CDH4: variants seen among roughly 807,000 people sequenced by gnomAD.
CDH4 encodes the protein cadherin-4.
CDH4 carries 33 observed loss-of-function variants against 86.0 expected under a neutral mutation model. That is an observed-to-expected ratio of 0.38 (90% CI 0.29 to 0.51). The LOEUF is 0.51. Among genes scored for constraint, CDH4 ranks in the 20% least tolerant of loss-of-function variants. The pLI is 0.86. For synonymous variants in CDH4, 555 were observed against 549.4 expected (o/e 1.01, Z -0.14); for missense variants, 1,114 against 1,307.4 (o/e 0.85, Z 2.28).
At chr20:61,790,224 T>C (rs1195561359) in intron 4 of CDH4, among the ~76,000 whole-genome samples, 15 of 142,046 alleles carry the variant, frequency 1.1e-4, no homozygotes, top group South Asian at 2.4e-4. Flanking sequence ...TCCACCCACC[T>C]ACCATCCATC....
chr20:61,755,507 C>T (rs922238921), intron 3 of CDH4, among the ~76,000 whole-genome samples: 3 of 149,304 alleles, frequency 2.0e-5, no homozygotes, highest in Admixed American at 6.7e-5. Context: ...CACACACACA[C>T]ATGCCCCATA....
At chr20:61,348,314 A>T (rs1407533914) in intron 2 of CDH4, among the ~76,000 whole-genome samples, 1 of 152,122 alleles carries the variant, frequency 6.6e-6, no homozygotes, top group Non-Finnish European at 1.5e-5. Context: ...ATCCCATGAG[A>T]CTTATTCGCT....
In CDH4 at chr20:61,897,615, T is replaced by C. The variant is rs544249870; in HGVS notation, c.1188+2568T>C. On this transcript the variant is annotated intron_variant, in intron 8 of 15. Coordinates refer to ENST00000614565, the MANE Select transcript of CDH4 (RefSeq NM_001794.5). ...GGCACTGAGCTACCCTCGCCGCAACTGCTGACCGGCCACACCACCCTGGGG... is the reference window on the plus strand; with the variant it reads ...GGCACTGAGCTACCCTCGCCGCAACCGCTGACCGGCCACACCACCCTGGGG... 4.6e-5 allele frequency among the ~76,000 whole-genome samples: 7 copies of C among 152,314 alleles called. No homozygotes were observed. In the South Asian group the frequency reaches 1.2e-3, roughly 27 times the overall value.
At position 61,393,602 on chromosome 20, in the gene CDH4, G is replaced by T. The variant is rs1003714108; in HGVS notation, c.169+138665G>T. ...TTGGCTGAACCCTATTCTAGGTGTTGGCAAGGTAGGTGTTGAGTAACAGAG... is the reference window on the plus strand; with the variant it reads ...TTGGCTGAACCCTATTCTAGGTGTTTGCAAGGTAGGTGTTGAGTAACAGAG... On this transcript the variant is annotated intron_variant, in intron 2 of 15. Transcript: ENST00000614565. The surrounding 1 kb of genome is among the most constrained non-coding windows in gnomAD (Gnocchi z 4.3). Among the ~76,000 whole-genome samples the T allele has an allele frequency of 6.6e-6, 1 of 152,152 alleles. No homozygotes were observed. Among genetic ancestry groups the T allele is most frequent in the African/African-American group, 2.4e-5 (1 of 41,424 alleles).
At chr20:61,602,713 A>C (rs1175715214) in intron 2 of CDH4, among the ~76,000 whole-genome samples, 2 of 150,916 alleles carry the variant, frequency 1.3e-5, no homozygotes, top group African/African-American at 2.4e-5. Flanking sequence ...AAAAAAAAAA[A>C]AAAAAAACTT....
At chr20:61,331,767 A>G (rs1210303401) in intron 2 of CDH4, among the ~76,000 whole-genome samples, 1 of 49,754 alleles carries the variant, frequency 2.0e-5, no homozygotes, top group Non-Finnish European at 4.2e-5. Context: ...CCCCTGTGTT[A>G]GTTACAGCAC....
intron 2 of CDH4, among the ~76,000 whole-genome samples, chr20:61,648,132 C>T (rs2087084793): frequency 6.6e-6 from 1 of 152,194 alleles, no homozygotes; most frequent in African/African-American, 2.4e-5. Context: ...GCAGAAGGCA[C>T]CGGCCACACC....
intron 2 of CDH4, among the ~76,000 whole-genome samples, chr20:61,644,980 G>A (rs190670425): frequency 1.4e-3 from 214 of 152,346 alleles, no homozygotes; most frequent in Admixed American, 2.6e-3. Flanking sequence ...GGCTGTGGGC[G>A]CCGGCTCTCT....
At chr20:61,296,265 G>A (rs1600843655) in intron 2 of CDH4, among the ~76,000 whole-genome samples, 1 of 8,898 alleles carries the variant, frequency 1.1e-4, no homozygotes, top group South Asian at 3.7e-3. Flanking sequence ...ATGTGTGCGT[G>A]TGTGTGTGTG....
intron 15 of CDH4, among the ~76,000 whole-genome samples, chr20:61,935,290 C>CAGAA (rs2055169411): frequency 6.6e-6 from 1 of 152,250 alleles, no homozygotes; most frequent in Non-Finnish European, 1.5e-5. Flanking sequence ...AGTGATTCAA[C>CAGAA]AGAAAGACAG....
At position 61,565,202 on chromosome 20, in the gene CDH4, GTCGC is replaced by G. The variant is rs1214471513; in HGVS notation, c.170-178360_170-178357del. On this transcript the variant is annotated intron_variant, in intron 2 of 15. Transcript: ENST00000614565. Reference sequence around the variant, plus strand: ...GGTGGTGGTGGTCCTCTTGGTGGTGGTCGCGGTGCTCTCGGTGGTAGGTGGTGGT... The same window carrying G: ...GGTGGTGGTGGTCCTCTTGGTGGTGGGGTGCTCTCGGTGGTAGGTGGTGGT... Among the ~76,000 whole-genome samples the G allele has an allele frequency of 2.1e-3, 87 of 42,250 alleles. 12 individuals are homozygous for G. Among genetic ancestry groups the G allele is most frequent in the South Asian group, 7.4e-3 (8 of 1,078 alleles). The allele number at this position is 42,250 out of a possible 152,430, so 27.7% of individuals were successfully genotyped here.
Position 61,709,590 on chromosome 20 carries a change from A to T in CDH4, c.170-33973A>T, listed in dbSNP as rs1439112587. Among the ~76,000 whole-genome samples the T allele has an allele frequency of 2.7e-5, 4 of 148,170 alleles. No individual in the cohort carries two copies. The highest frequency in any genetic ancestry group is 2.0e-4 in the East Asian group (1 of 5,038). On this transcript the variant is annotated intron_variant, in intron 2 of 15. Coordinates refer to ENST00000614565, the MANE Select transcript of CDH4 (RefSeq NM_001794.5). This position sits in a 1 kb window ranked among gnomAD's most constrained non-coding sequence, Gnocchi z 4.8. ...TGTGCCTGGCAATTTTTGAATGACA[A>T]TTTTTTTTTTTTTATCGCTGGCTAA...
intron 2 of CDH4, among the ~76,000 whole-genome samples, chr20:61,631,903 G>A (rs114602367): frequency 0.02 from 3,070 of 152,344 alleles, 89 homozygotes; most frequent in African/African-American, 0.069. Flanking sequence ...CAGACCACAA[G>A]ACGGCGCCTC....
intron 2 of CDH4, among the ~76,000 whole-genome samples, chr20:61,542,957 A>G (rs917351513): frequency 6.6e-6 from 1 of 152,180 alleles, no homozygotes; most frequent in Non-Finnish European, 1.5e-5. Flanking sequence ...AGGCCTGAGC[A>G]CCCCTGGCAA....
intron 2 of CDH4, among the ~76,000 whole-genome samples, chr20:61,360,150 C>T (rs1283576989): frequency 6.6e-6 from 1 of 152,220 alleles, no homozygotes; most frequent in Admixed American, 6.5e-5. Flanking sequence ...TTTGCCACAT[C>T]AGCTCGCAGG....
At chr20:61,674,708 T>A (rs2145849766) in intron 2 of CDH4, among the ~76,000 whole-genome samples, 1 of 152,302 alleles carries the variant, frequency 6.6e-6, no homozygotes, top group South Asian at 2.1e-4. Flanking sequence ...ATATGAAAAA[T>A]TGTTCATGCG....
chr20:61,429,787 G>A (rs62199129), intron 2 of CDH4, among the ~76,000 whole-genome samples: 10 of 119,006 alleles, frequency 8.4e-5, no homozygotes, highest in East Asian at 4.2e-4. Context: ...GGATGGATGG[G>A]TGGGTGGAAA....
chr20:61,877,051 G>T (rs1452818714), intron 7 of CDH4, among the ~76,000 whole-genome samples: 1 of 152,176 alleles, frequency 6.6e-6, no homozygotes, highest in Admixed American at 6.5e-5. Flanking sequence ...GGTTCCCCCA[G>T]CTGGCCTGGT....
chr20:61,827,161 T>C (rs1314723517), intron 4 of CDH4, among the ~76,000 whole-genome samples: 2 of 152,206 alleles, frequency 1.3e-5, no homozygotes, highest in East Asian at 3.8e-4. Context: ...TTTACAAAGT[T>C]ATCTTTTACA....
Sources: allele counts gnomAD v4.1 joint callset (sites outside exome capture counted in the v4.1 genomes callset), GRCh38; gene constraint gnomAD v4.1.1; non-coding constraint Gnocchi (gnomAD v3.1); transcripts MANE v1.5; gene names NCBI Gene and HGNC (gene_info 2026-07-23, HGNC 2026-07-21).